Variants in PPME1 observed in about 807,000 individuals in gnomAD.
The protein encoded by PPME1 is protein phosphatase methylesterase 1, also known as testicular secretory protein Li 39.
In PPME1, 17 loss-of-function variants were observed where a neutral mutation model predicts 56.9. That is an observed-to-expected ratio of 0.30 (90% CI 0.20 to 0.45). The LOEUF is 0.45. Ranked by LOEUF, PPME1 falls within the 20% of genes least tolerant of loss-of-function variation. The probability of loss-of-function intolerance (pLI) is 1.00; values close to 1 mark genes in which losing one functional copy is unlikely to be tolerated. For synonymous variants in PPME1, 122 were observed against 156.2 expected (o/e 0.78, Z 1.63); for missense variants, 357 against 483.2 (o/e 0.74, Z 2.45).
At position 74,177,132 on chromosome 11, in the gene PPME1, G is replaced by T. The variant is rs551975705; in HGVS notation, c.101+5610G>T. On this transcript the variant is annotated intron_variant, in intron 1 of 13. Coordinates refer to ENST00000328257, the MANE Select transcript of PPME1 (RefSeq NM_016147.3). Reference sequence around the variant, plus strand: ...TTTTCATCATTTATTAAATTTTTTAGTCCTTTACCCATTACGTAAATTTCA... The same window carrying T: ...TTTTCATCATTTATTAAATTTTTTATTCCTTTACCCATTACGTAAATTTCA... 5.3e-5 allele frequency among the ~76,000 whole-genome samples: 8 copies of T among 151,906 alleles called. No homozygotes were observed. The South Asian group carries it at 8.3e-4, about 16-fold the overall frequency.
chr11:74,179,350 C>G (rs1857475001), intron 1 of PPME1, among the ~76,000 whole-genome samples: 1 of 152,128 alleles, frequency 6.6e-6, no homozygotes, highest in Non-Finnish European at 1.5e-5. Context: ...ACAAAACAAC[C>G]AGGCATGGTG....
intron 8 of PPME1, among the ~76,000 whole-genome samples, chr11:74,237,275 CT>C (rs763251745): frequency 1.7e-3 from 216 of 127,986 alleles, no homozygotes; most frequent in East Asian, 2.1e-3. Flanking sequence ...GTCTGGTTGT[CT>C]TTTTTTTTTT....
chr11:74,252,766 T>C (rs1859736110), intron 13 of PPME1, among the ~76,000 whole-genome samples: 2 of 152,284 alleles, frequency 1.3e-5, no homozygotes, highest in African/African-American at 4.8e-5. Context: ...TCCCCCTCTA[T>C]TGGTCTAGAG....
chr11:74,182,357 G>T (rs1857563280), intron 1 of PPME1, among the ~76,000 whole-genome samples: 1 of 151,604 alleles, frequency 6.6e-6, no homozygotes, highest in African/African-American at 2.4e-5. Flanking sequence ...CATTTAAATT[G>T]ATAATGTCTT....
chr11:74,188,951 A>G (rs114670179), intron 1 of PPME1, among the ~76,000 whole-genome samples: 81 of 152,384 alleles, frequency 5.3e-4, no homozygotes, highest in African/African-American at 1.9e-3. Flanking sequence ...CATGACTACA[A>G]TGTTGAAGTA....
chr11:74,231,942 T>C (rs1211014721), intron 7 of PPME1, among the ~76,000 whole-genome samples: 1 of 152,218 alleles, frequency 6.6e-6, no homozygotes, highest in African/African-American at 2.4e-5. Flanking sequence ...TAAACACTTA[T>C]TTTGTGCTAA....
chr11:74,222,244 T>C, intron 3 of PPME1, 68 bp from the exon 4 acceptor site: 2 of 1,230,122 alleles, frequency 1.6e-6, no homozygotes, highest in South Asian at 2.5e-5. Context: ...TTTACAAAGT[T>C]ATCATTGGGA....
chr11:74,200,929 T>C (rs73565838), intron 1 of PPME1, among the ~76,000 whole-genome samples: 2,620 of 152,122 alleles, frequency 0.017, 76 homozygotes, highest in African/African-American at 0.06. Flanking sequence ...CAATTTATCT[T>C]CCCACCTCAG....
At chr11:74,243,958 C>T (rs766074009) in intron 9 of PPME1, among the ~76,000 whole-genome samples, 25 of 152,176 alleles carry the variant, frequency 1.6e-4, no homozygotes, top group Non-Finnish European at 3.5e-4. Flanking sequence ...CCAAAGGCCC[C>T]TGGTTGCCAC....
intron 1 of PPME1, among the ~76,000 whole-genome samples, chr11:74,187,975 A>G (rs145814987): frequency 1.3e-5 from 2 of 152,258 alleles, no homozygotes; most frequent in East Asian, 3.9e-4. Context: ...AGCCTGAGAG[A>G]TTTGAAGATG....
intron 7 of PPME1, among the ~76,000 whole-genome samples, chr11:74,232,999 G>A (rs188932533): frequency 3.7e-4 from 55 of 150,576 alleles, no homozygotes; most frequent in Non-Finnish European, 6.8e-4. Context: ...GAGCCACTAC[G>A]CCTGGCCCTT....
chr11:74,221,198 A>G (rs954104866), intron 3 of PPME1, among the ~76,000 whole-genome samples: 3 of 152,122 alleles, frequency 2.0e-5, no homozygotes, highest in East Asian at 1.9e-4. Flanking sequence ...ACCTGGTTCT[A>G]TTATCTAGAG....
intron 9 of PPME1, among the ~76,000 whole-genome samples, chr11:74,244,920 C>A (rs1192606656): frequency 1.3e-5 from 2 of 152,146 alleles, no homozygotes; most frequent in African/African-American, 2.4e-5. Flanking sequence ...ATATGCATAT[C>A]TGTTTGGTTA....
intron 5 of PPME1, among the ~76,000 whole-genome samples, chr11:74,229,820 G>C (rs1859022287): frequency 6.6e-6 from 1 of 152,144 alleles, no homozygotes; most frequent in South Asian, 2.1e-4. Context: ...GGCTCATCTT[G>C]TGATTCTGAG....
intron 3 of PPME1, among the ~76,000 whole-genome samples, chr11:74,209,578 C>T (rs2135631788): frequency 6.6e-6 from 1 of 152,190 alleles, no homozygotes; most frequent in South Asian, 2.1e-4. Context: ...AATTGAGTAC[C>T]ACTGTTTCAG....
chr11:74,173,684 G>A (rs1857340020), intron 1 of PPME1, among the ~76,000 whole-genome samples: 1 of 152,126 alleles, frequency 6.6e-6, no homozygotes, highest in Admixed American at 6.5e-5. Flanking sequence ...TGGGATTACA[G>A]GCATGCACCA....
chr11:74,179,632 G>A (rs1179275802), intron 1 of PPME1, among the ~76,000 whole-genome samples: 1 of 152,178 alleles, frequency 6.6e-6, no homozygotes, highest in African/African-American at 2.4e-5. Context: ...ACCATGCTTG[G>A]TACGTAATAA....
intron 3 of PPME1, among the ~76,000 whole-genome samples, chr11:74,207,693 C>G (rs959774790): frequency 6.6e-6 from 1 of 152,156 alleles, no homozygotes; most frequent in Non-Finnish European, 1.5e-5. Flanking sequence ...CTAGGTATAA[C>G]AGACCACCTA....
chr11:74,238,627 A>AT (rs1455384528), intron 8 of PPME1: 1 of 152,250 alleles, frequency 6.6e-6, no homozygotes, highest in African/African-American at 2.4e-5. Flanking sequence ...AACAACAATG[A>AT]TAATTGGTTG....
Sources: allele counts gnomAD v4.1 joint callset (sites outside exome capture counted in the v4.1 genomes callset), GRCh38; gene constraint gnomAD v4.1.1; transcripts MANE v1.5; gene names NCBI Gene and HGNC (gene_info 2026-07-23, HGNC 2026-07-21).